The following ARHGAP28 variants were observed in gnomAD, a reference collection of about 807,000 sequenced individuals.
The protein encoded by ARHGAP28 is Rho GTPase activating protein 28.
Under a neutral mutation model 90.7 loss-of-function variants are expected in ARHGAP28, and 56 were observed. The ratio of observed to expected loss-of-function variants is 0.62; its 90% CI spans 0.50 to 0.77. The LOEUF is 0.77. ARHGAP28 is among the 30% of genes least tolerant of loss of function. The pLI is 0.00. For synonymous variants in ARHGAP28, 308 were observed against 323.3 expected, an observed-to-expected ratio of 0.95 and a Z score of 0.51; for missense variants, 869 against 900.9, an observed-to-expected ratio of 0.96 and a Z score of 0.45.
At chr18:6,828,463 A>G (rs538541596) in intron 2 of ARHGAP28, among the ~76,000 whole-genome samples, 1 of 152,100 alleles carries the variant, frequency 6.6e-6, no homozygotes, top group Non-Finnish European at 1.5e-5. Flanking sequence ...TTTTTATAGA[A>G]ATTGCCTTTG....
At chr18:6,747,335 A>T (rs1442984902) in intron 1 of ARHGAP28, among the ~76,000 whole-genome samples, 1 of 152,116 alleles carries the variant, frequency 6.6e-6, no homozygotes, top group Non-Finnish European at 1.5e-5. Flanking sequence ...GACGGTAGGG[A>T]GAGGGAGTCA....
rs144955935 is a variant in ARHGAP28, at chr18:6,748,919, A to G, written c.122+18976A>G. Among the ~76,000 whole-genome samples, 53 of 152,276 alleles carry G rather than the reference A, an allele frequency of 3.5e-4. No homozygotes were observed. In the East Asian group the frequency reaches 5.2e-3, roughly 15 times the overall value. On this transcript the variant is annotated intron_variant, in intron 1 of 17. Coordinates refer to ENST00000383472, the MANE Select transcript of ARHGAP28 (RefSeq NM_001366230.1). ...CCTGTGGCTGTGTGATCTGCACAGG[A>G]GACCGTCAGTCACTAGTCTTGTGTG...
At chr18:6,893,464 G>C (rs982369409) in intron 14 of ARHGAP28, among the ~76,000 whole-genome samples, 2 of 152,158 alleles carry the variant, frequency 1.3e-5, no homozygotes, top group Non-Finnish European at 2.9e-5. Context: ...GACAGTTTTT[G>C]CCAGTTCATC....
chr18:6,811,350 A>T (rs1303013224), intron 1 of ARHGAP28, among the ~76,000 whole-genome samples: 2 of 152,226 alleles, frequency 1.3e-5, no homozygotes, highest in South Asian at 2.1e-4. Flanking sequence ...AAAAGGCTGA[A>T]GAAGGACAAG....
At chr18:6,841,167 C>CCTCTCTCTCTCTCTCT (rs776937358) in intron 3 of ARHGAP28, among the ~76,000 whole-genome samples, 3 of 79,934 alleles carry the variant, frequency 3.8e-5, no homozygotes, top group Admixed American at 1.3e-4. Context: ...TTCTCTCTCT[C>CCTCTCTCTCTCTCTCT]CTCTCTCTCT....
intron 3 of ARHGAP28, among the ~76,000 whole-genome samples, chr18:6,845,755 C>A (rs1316142240): frequency 1.3e-5 from 2 of 152,222 alleles, no homozygotes; most frequent in African/African-American, 2.4e-5. Flanking sequence ...GACATGACCT[C>A]ATTCCTTTTT....
At chr18:6,890,373 C>A in intron 13 of ARHGAP28, 57 bp from the exon 14 acceptor site, 1 of 1,152,118 alleles carries the variant, frequency 8.7e-7, no homozygotes, top group Non-Finnish European at 1.3e-6. Context: ...AGACAATCTG[C>A]TAGGGAGTTT....
intron 3 of ARHGAP28, among the ~76,000 whole-genome samples, chr18:6,842,686 T>G (rs1324773172): frequency 1.3e-5 from 2 of 152,150 alleles, no homozygotes; most frequent in Non-Finnish European, 2.9e-5. Flanking sequence ...GATTGATTAG[T>G]ATGGTAATGG....
At chr18:6,863,186 G>C (rs1036581348) in intron 5 of ARHGAP28, among the ~76,000 whole-genome samples, 1 of 151,866 alleles carries the variant, frequency 6.6e-6, no homozygotes, top group Non-Finnish European at 1.5e-5. Context: ...AGGATCCTTT[G>C]ATAAGTTCTT....
At chr18:6,792,967 G>C (rs1440241371) in intron 1 of ARHGAP28, among the ~76,000 whole-genome samples, 1 of 152,130 alleles carries the variant, frequency 6.6e-6, no homozygotes, top group African/African-American at 2.4e-5. Context: ...CTCATTCAAA[G>C]TGTATTTCAA....
At chr18:6,812,521 T>A (rs2056564080) in intron 1 of ARHGAP28, among the ~76,000 whole-genome samples, 1 of 152,150 alleles carries the variant, frequency 6.6e-6, no homozygotes, top group Non-Finnish European at 1.5e-5. Context: ...GAGGGAAACC[T>A]TCCTGATTTG....
chr18:6,780,576 A>G (rs544375625), intron 1 of ARHGAP28, among the ~76,000 whole-genome samples: 23 of 152,194 alleles, frequency 1.5e-4, no homozygotes, highest in African/African-American at 4.6e-4. Flanking sequence ...CATTTAAGCA[A>G]TGGAGGCTGA....
chr18:6,776,864 T>G (rs74580079), intron 1 of ARHGAP28, among the ~76,000 whole-genome samples: 10,078 of 152,192 alleles, frequency 0.066, 733 homozygotes, highest in East Asian at 0.37. Context: ...CAGCCCAACT[T>G]AAAGGATCCA....
chr18:6,887,238 A>G lies in ARHGAP28; in HGVS notation c.1535A>G (p.Gln512Arg), dbSNP rs1430578652. The G allele has an allele frequency of 3.7e-6, 6 of 1,613,638 alleles. No individual in the cohort carries two copies. The highest frequency in any genetic ancestry group is 5.1e-6 in the Non-Finnish European group (6 of 1,179,728). ...CCTGATGCCAACAGAGATGCAGCTC[A>G]GGTACGTCGTGTCCACCTCACAGCT... ...ALPDANRDAA[Q>R]ALMTFFNKVI... The change falls in exon 12 of 18, where the codon CAG (glutamine) becomes CGG (arginine). Residue 512 changes from glutamine to arginine, a missense_variant and splice_region_variant. Gln to Arg is a conservative substitution (Grantham distance 43, BLOSUM62 1). Transcript: ENST00000383472.
chr18:6,755,160 G>A (rs2056099380), intron 1 of ARHGAP28, among the ~76,000 whole-genome samples: 1 of 152,070 alleles, frequency 6.6e-6, no homozygotes, highest in Admixed American at 6.6e-5. Flanking sequence ...GTGACAGAGT[G>A]AGACTCTGTC....
intron 16 of ARHGAP28, among the ~76,000 whole-genome samples, chr18:6,907,819 T>C (rs1262164790): frequency 6.6e-6 from 1 of 152,080 alleles, no homozygotes; most frequent in African/African-American, 2.4e-5. Flanking sequence ...CGGTGTAGGG[T>C]GCACAGGATG....
chr18:6,808,783 A>T (rs544603825), intron 1 of ARHGAP28, among the ~76,000 whole-genome samples: 47 of 152,314 alleles, frequency 3.1e-4, no homozygotes, highest in Admixed American at 5.9e-4. Context: ...TATACACACC[A>T]GTGTACATAC....
intron 1 of ARHGAP28, among the ~76,000 whole-genome samples, chr18:6,777,742 A>G (rs1273533188): frequency 1.3e-5 from 2 of 150,542 alleles, no homozygotes; most frequent in African/African-American, 4.8e-5. Flanking sequence ...GAATGAATGA[A>G]TGAATGAGTG....
intron 1 of ARHGAP28, among the ~76,000 whole-genome samples, chr18:6,799,851 A>G (rs552016165): frequency 6.6e-6 from 1 of 152,364 alleles, no homozygotes; most frequent in South Asian, 2.1e-4. Flanking sequence ...ACAGAAGCCA[A>G]AATTGACAAT....
Sources: allele counts gnomAD v4.1 joint callset (sites outside exome capture counted in the v4.1 genomes callset), GRCh38; gene constraint gnomAD v4.1.1; transcripts MANE v1.5; gene names NCBI Gene and HGNC (gene_info 2026-07-23, HGNC 2026-07-21).